Variants in DCTN5 observed in about 807,000 individuals in gnomAD.
DCTN5 encodes dynactin 4.
DCTN5 carries 14 observed loss-of-function variants against 23.5 expected under a neutral mutation model. That is an observed-to-expected ratio of 0.60 (90% CI 0.39 to 0.93). DCTN5 has a LOEUF of 0.93. Ranked by LOEUF, DCTN5 falls within the 40% of genes least tolerant of loss-of-function variation. DCTN5 has a pLI of 0.00. For missense variants in DCTN5, 156 were observed against 225.9 expected (o/e 0.69, Z 1.98); for synonymous variants, 67 against 79.6 (o/e 0.84, Z 0.84).
At chr16:23,645,131 A>ATTTT (rs1967423052) in intron 2 of DCTN5, among the ~76,000 whole-genome samples, 1 of 22,340 alleles carries the variant, frequency 4.5e-5, no homozygotes, top group Admixed American at 5.4e-4. Context: ...ATATATATAT[A>ATTTT]TATATATTTT....
At chr16:23,659,320 T>C (rs1967769203) in intron 3 of DCTN5, among the ~76,000 whole-genome samples, 1 of 152,222 alleles carries the variant, frequency 6.6e-6, no homozygotes, top group Non-Finnish European at 1.5e-5. Flanking sequence ...GCAGGCAAAC[T>C]GACCACCATA....
chr16:23,659,389 T>C (rs1967770420), intron 3 of DCTN5, among the ~76,000 whole-genome samples: 1 of 152,198 alleles, frequency 6.6e-6, no homozygotes, highest in Non-Finnish European at 1.5e-5. Flanking sequence ...CCTTGACTAA[T>C]TGCCCTCCTG....
chr16:23,641,677 A>G lies in DCTN5; in HGVS notation c.48+87A>G, dbSNP rs1967265252. 4.4e-6 allele frequency: 6 copies of G among 1,372,714 alleles called. No individual in the cohort carries two copies. In the East Asian group the frequency reaches 7.1e-5, roughly 16 times the overall value. 85.0% of individuals were successfully genotyped at this position (1,372,714 alleles called of 1,614,324 possible). A position where few individuals can be genotyped will look rare whatever the true frequency, so the allele number is the denominator to read the frequency against. ...GGCGTTCCCAACCTGCCCCTACCCC[A>G]CCAACCCCTGTCCCTTTGGCCATTA... On this transcript the variant is annotated intron_variant, in intron 1 of 5. Transcript: ENST00000300087.
Position 23,665,183 on chromosome 16 carries a change from A to T in DCTN5, c.349-443A>T, listed in dbSNP as rs567199079. Among the ~76,000 whole-genome samples, 4 of 152,232 alleles carry T rather than the reference A, an allele frequency of 2.6e-5. No homozygotes were observed. The South Asian group carries it at 8.3e-4, about 32-fold the overall frequency. On this transcript the variant is annotated intron_variant, in intron 4 of 5. Coordinates refer to ENST00000300087, the MANE Select transcript of DCTN5 (RefSeq NM_032486.4). ...AATTGGGGTCATATGCTGACCTGTTATTGTTTCCAGGCTTGGGGTTTGGTG... is the reference window on the plus strand; with the variant it reads ...AATTGGGGTCATATGCTGACCTGTTTTTGTTTCCAGGCTTGGGGTTTGGTG...
At chr16:23,646,882 A>G (rs1967472983) in intron 2 of DCTN5, among the ~76,000 whole-genome samples, 1 of 152,008 alleles carries the variant, frequency 6.6e-6, no homozygotes, top group South Asian at 2.1e-4. Context: ...AGCTTGAGTA[A>G]TTTTTTTATA....
At chr16:23,650,802 G>A in intron 2 of DCTN5, 1 of 1,529,180 alleles carries the variant, frequency 6.5e-7, no homozygotes, top group Non-Finnish European at 8.8e-7. Context: ...AGATGTCACA[G>A]TGCCTGCAGG....
intron 2 of DCTN5, among the ~76,000 whole-genome samples, chr16:23,658,279 GGATTAAGGGCAAAGCTTGT>G (rs1170446178): frequency 1.3e-5 from 2 of 152,158 alleles, no homozygotes; most frequent in African/African-American, 2.4e-5. Context: ...TATTCATGGG[GGATTAAGGGCAAAGCTTGT>G]GATGTACTAG....
intron 5 of DCTN5, 55 bp from the exon 6 acceptor site, chr16:23,666,992 C>T: frequency 6.2e-7 from 1 of 1,609,128 alleles, no homozygotes; most frequent in Non-Finnish European, 8.5e-7. Context: ...AGAGAAATAT[C>T]TTAACTTCTT....
Position 23,670,158 on chromosome 16 carries a change from G to A in DCTN5, c.*3014G>A, listed in dbSNP as rs1967980637. The A allele has an allele frequency of 6.6e-6, 1 of 152,206 alleles. No homozygotes were observed. The highest frequency in any genetic ancestry group is 1.5e-5 in the Non-Finnish European group (1 of 68,058). The allele number at this position is 152,206 out of a possible 1,614,324, so 9.4% of individuals were successfully genotyped here. A position where few individuals can be genotyped will look rare whatever the true frequency, so the allele number is the denominator to read the frequency against. On this transcript the variant is annotated 3_prime_UTR_variant, in exon 6 of 6. Coordinates refer to ENST00000300087, the MANE Select transcript of DCTN5 (RefSeq NM_032486.4). ...CCAGCATGCCTCAGACCTTACCCCA[G>A]CTCAAGATAAGTCTCAGATTGCAGG...
chr16:23,648,865 G>GTTTA (rs898180157), intron 2 of DCTN5, among the ~76,000 whole-genome samples: 1 of 151,768 alleles, frequency 6.6e-6, no homozygotes, highest in Non-Finnish European at 1.5e-5. Flanking sequence ...TTTTTTGTTT[G>GTTTA]TTTGTTTTTT....
At chr16:23,645,093 A>C (rs540841230) in intron 2 of DCTN5, among the ~76,000 whole-genome samples, 4 of 13,808 alleles carry the variant, frequency 2.9e-4, no homozygotes, top group East Asian at 4.5e-3. Flanking sequence ...CTATATATAT[A>C]TATATATATA....
chr16:23,650,420 C>T (rs967503440), intron 2 of DCTN5, among the ~76,000 whole-genome samples: 5 of 151,786 alleles, frequency 3.3e-5, no homozygotes, highest in African/African-American at 1.2e-4. Context: ...CAGGTTCAAG[C>T]GATTCTCCTG....
chr16:23,658,324 C>T (rs776644532), intron 2 of DCTN5, among the ~76,000 whole-genome samples, 183 bp from the exon 3 acceptor site: 1 of 152,222 alleles, frequency 6.6e-6, no homozygotes, highest in Non-Finnish European at 1.5e-5. Flanking sequence ...TCACTAACTG[C>T]AGTCACTGTC....
chr16:23,647,495 C>CTTT (rs111226428), intron 2 of DCTN5, among the ~76,000 whole-genome samples: 5,673 of 140,354 alleles, frequency 0.04, 200 homozygotes, highest in African/African-American at 0.08. Flanking sequence ...GGGCTGTTTG[C>CTTT]TTTTTTTTTT....
chr16:23,653,750 CAG>C (rs1482667839), intron 2 of DCTN5, among the ~76,000 whole-genome samples: 2 of 152,138 alleles, frequency 1.3e-5, no homozygotes, highest in East Asian at 1.9e-4. Context: ...AAACTATTAA[CAG>C]GGTAAACAGA....
At chr16:23,663,450 A>G (rs1967851397) in intron 4 of DCTN5, among the ~76,000 whole-genome samples, 1 of 152,206 alleles carries the variant, frequency 6.6e-6, no homozygotes, top group Admixed American at 6.5e-5. Flanking sequence ...GCAGTGGCTC[A>G]TGCCTGTAAT....
At chr16:23,662,802 T>C (rs540180231) in intron 4 of DCTN5, among the ~76,000 whole-genome samples, 1 of 152,328 alleles carries the variant, frequency 6.6e-6, no homozygotes, top group South Asian at 2.1e-4. Context: ...AGTGAAGATA[T>C]CACCCCAGTA....
Position 23,649,054 on chromosome 16 carries a change from T to G in DCTN5, c.117+6031T>G, listed in dbSNP as rs934825012. 4.6e-5 allele frequency among the ~76,000 whole-genome samples: 7 copies of G among 152,206 alleles called. No individual in the cohort carries two copies. In the East Asian group the frequency reaches 9.7e-4, roughly 21 times the overall value. ...TTTGTATTTTTAGTAGAGACGAGGT[T>G]TCACCATATTGCTCAGGCTGGTCTC... On this transcript the variant is annotated intron_variant, in intron 2 of 5. Transcript: ENST00000300087.
In DCTN5 at chr16:23,643,230, C is replaced by T. The variant is rs535457560; in HGVS notation, c.117+207C>T. Among the ~76,000 whole-genome samples the T allele has an allele frequency of 1.8e-3, 272 of 150,056 alleles. 2 individuals are homozygous for T. The highest frequency in any genetic ancestry group is 4.5e-3 in the Admixed American group (67 of 15,008). ...TTTTTTTGAGACAGTCTCACTCTGTCGCCCAGGCTGGAGTGCAGTGGCCCC... is the reference window on the plus strand; with the variant it reads ...TTTTTTTGAGACAGTCTCACTCTGTTGCCCAGGCTGGAGTGCAGTGGCCCC... On this transcript the variant is annotated intron_variant, in intron 2 of 5. Coordinates refer to ENST00000300087, the MANE Select transcript of DCTN5 (RefSeq NM_032486.4).
Sources: allele counts gnomAD v4.1 joint callset (sites outside exome capture counted in the v4.1 genomes callset), GRCh38; gene constraint gnomAD v4.1.1; transcripts MANE v1.5; gene names NCBI Gene and HGNC (gene_info 2026-07-23, HGNC 2026-07-21).